APC: variants seen among roughly 807,000 people sequenced by gnomAD.
APC encodes adenomatous polyposis coli protein.
APC carries 72 observed loss-of-function variants against 247.0 expected under a neutral mutation model. The ratio of observed to expected loss-of-function variants is 0.29; its 90% confidence interval spans 0.24 to 0.35. The LOEUF (loss-of-function observed/expected upper bound fraction) is 0.35. Among genes scored for constraint, APC ranks in the 10% least tolerant of loss-of-function variants. The pLI is 1.00. For missense variants in APC, 3,400 were observed against 3,360.7 expected (o/e 1.01, Z -0.29); for synonymous variants, 1,254 against 1,162.5 (o/e 1.08, Z -1.60).
intron 10 of APC, 80 bp downstream of exon 10, chr5:112,819,424 A>T (rs2149784838): frequency 6.4e-7 from 1 of 1,558,200 alleles, no homozygotes; most frequent in Non-Finnish European, 8.8e-7. Flanking sequence ...TGTTTAGTTA[A>T]TATGCTGTCT....
At chr5:112,826,313 T>C (rs1763652648) in intron 11 of APC, among the ~76,000 whole-genome samples, 2 of 152,226 alleles carry the variant, frequency 1.3e-5, no homozygotes, top group Admixed American at 6.5e-5. Context: ...TTTTCTCTTT[T>C]GTTCACTTCC....
At chr5:112,707,879 G>C (rs2149631494) in exon 1 of APC, 1 of 1,368,706 alleles carries the variant, frequency 7.3e-7, no homozygotes, top group East Asian at 3.4e-5. Context: ...CGAGCGTCTG[G>C]CAGGTGAGTG....
intron 15 of APC, among the ~76,000 whole-genome samples, chr5:112,836,676 ACACAGTCTGCCAAAGAG>A (rs1239043655): frequency 1.3e-5 from 2 of 152,144 alleles, no homozygotes; most frequent in Non-Finnish European, 2.9e-5. Context: ...AATAATAAGC[ACACAGTCTGCCAAAGAG>A]CAGTTTTTCT....
At chr5:112,778,311 G>T (rs1757907904) in intron 5 of APC, 1 of 152,142 alleles carries the variant, frequency 6.6e-6, no homozygotes, top group Non-Finnish European at 1.5e-5. Context: ...CCATGTCAAT[G>T]ATTTTATTCA....
chr5:112,740,041 T>C (rs1402377517), intron 1 of APC, among the ~76,000 whole-genome samples: 1 of 152,000 alleles, frequency 6.6e-6, no homozygotes, highest in Non-Finnish European at 1.5e-5. Context: ...ATGCCTTTTA[T>C]TACATACATA....
At chr5:112,805,008 TAAA>T (rs574688971) in intron 8 of APC, among the ~76,000 whole-genome samples, 4 of 142,114 alleles carry the variant, frequency 2.8e-5, no homozygotes, top group African/African-American at 1.0e-4. Flanking sequence ...GTCTAAAAAA[TAAA>T]AAAAAAAACT....
chr5:112,792,674 A>G (rs1276748704), intron 7 of APC, 145 bp downstream of exon 7: 3 of 654,932 alleles, frequency 4.6e-6, no homozygotes, highest in Non-Finnish European at 2.7e-6. Context: ...TCGTGAAATT[A>G]AATTATCAAA....
chr5:112,822,902 A>T, intron 11 of APC, among the ~76,000 whole-genome samples: 1 of 152,304 alleles, frequency 6.6e-6, no homozygotes, highest in Middle Eastern at 3.4e-3. Flanking sequence ...AACAGCCAAA[A>T]GTATTGTCTC....
At chr5:112,709,201 G>C (rs770698968) in intron 1 of APC, among the ~76,000 whole-genome samples, 1 of 152,150 alleles carries the variant, frequency 6.6e-6, no homozygotes, top group Non-Finnish European at 1.5e-5. Flanking sequence ...TGCTGTATTA[G>C]AATTGTATGT....
chr5:112,825,113 A>G (rs565967411), intron 11 of APC, among the ~76,000 whole-genome samples: 9 of 152,258 alleles, frequency 5.9e-5, no homozygotes, highest in Middle Eastern at 6.8e-3. Context: ...AGAAATTCCA[A>G]TCCAGTTGCT....
chr5:112,812,374 A>G (rs973490978), intron 8 of APC, among the ~76,000 whole-genome samples: 4 of 152,168 alleles, frequency 2.6e-5, no homozygotes, highest in African/African-American at 4.8e-5. Flanking sequence ...AAAAGCCCCA[A>G]CTATCCTCCT....
In APC at chr5:112,845,600, A is replaced by G. The variant is rs1766915931; in HGVS notation, c.*1474A>G. ...TAGATTTAATACGATTAAGATATTC[A>G]GAAGTATATTTTAGAATCCCTGCCT... On this transcript the variant is annotated 3_prime_UTR_variant, in exon 16 of 16. Transcript: ENST00000257430. 3 of 232,668 alleles carry G rather than the reference A, an allele frequency of 1.3e-5. No homozygotes were observed. Among genetic ancestry groups the G allele is most frequent in the Middle Eastern group, 1.3e-3 (1 of 778 alleles). 14.4% of individuals were successfully genotyped at this position (232,668 alleles called of 1,614,324 possible).
At chr5:112,771,862 T>C (rs1485501080) in intron 4 of APC, among the ~76,000 whole-genome samples, 2 of 152,194 alleles carry the variant, frequency 1.3e-5, no homozygotes, top group Non-Finnish European at 2.9e-5. Context: ...TCAAGATAAA[T>C]GCTAGAAGTT....
At chr5:112,740,112 A>G (rs1280520684) in intron 1 of APC, among the ~76,000 whole-genome samples, 1 of 152,244 alleles carries the variant, frequency 6.6e-6, no homozygotes, top group African/African-American at 2.4e-5. Flanking sequence ...AAATTATTCA[A>G]AAAATGAAAA....
intron 1 of APC, among the ~76,000 whole-genome samples, chr5:112,717,042 G>T (rs1163273350): frequency 6.6e-6 from 1 of 152,024 alleles, no homozygotes; most frequent in Non-Finnish European, 1.5e-5. Flanking sequence ...ACAGGGTCTC[G>T]CTGTGTTGCC....
At chr5:112,765,720 A>G (rs1756219221) in intron 2 of APC, among the ~76,000 whole-genome samples, 1 of 152,226 alleles carries the variant, frequency 6.6e-6, no homozygotes, top group Non-Finnish European at 1.5e-5. Context: ...TAGAAAATGA[A>G]AATTTCCAAC....
chr5:112,792,656 A>G, intron 7 of APC, 127 bp downstream of exon 7: 2 of 695,158 alleles, frequency 2.9e-6, no homozygotes, highest in South Asian at 1.7e-5. Flanking sequence ...TAAATACCGT[A>G]ATTTTTTTCG....
At position 112,767,538 on chromosome 5, in the gene APC, T is replaced by C. The variant is rs183701336; in HGVS notation, c.422+148T>C. 2,278 of 643,752 alleles carry C rather than the reference T, an allele frequency of 3.5e-3. 9 individuals are homozygous for C. Among genetic ancestry groups the C allele is most frequent in the Non-Finnish European group, 4.3e-3 (1,603 of 374,118 alleles). The allele number at this position is 643,752 out of a possible 1,614,324, so 39.9% of individuals were successfully genotyped here. ...TTTAAACTCAAAGATAGCATGTTATTGATTGCACTTACATTAAATCTAAAA... is the reference window on the plus strand; with the variant it reads ...TTTAAACTCAAAGATAGCATGTTATCGATTGCACTTACATTAAATCTAAAA... On this transcript the variant is annotated intron_variant, in intron 4 of 15. Coordinates refer to ENST00000257430, the MANE Select transcript of APC (RefSeq NM_000038.6).
At chr5:112,793,567 C>T (rs1759883043) in intron 7 of APC, among the ~76,000 whole-genome samples, 1 of 152,096 alleles carries the variant, frequency 6.6e-6, no homozygotes, top group East Asian at 1.9e-4. Flanking sequence ...TGACAAAATC[C>T]ATTCTTCAGG....
Sources: allele counts gnomAD v4.1 joint callset (sites outside exome capture counted in the v4.1 genomes callset), GRCh38; gene constraint gnomAD v4.1.1; transcripts MANE v1.5; gene names NCBI Gene and HGNC (gene_info 2026-07-23, HGNC 2026-07-21).